Variants in HPSE2 observed in about 807,000 individuals in gnomAD.
The protein encoded by HPSE2 is heparanase 2 (inactive).
A neutral mutation model predicts 60.5 loss-of-function variants in HPSE2; 38 were observed. The ratio of observed to expected loss-of-function variants is 0.63; its 90% CI spans 0.48 to 0.82. HPSE2 has a LOEUF of 0.82. Ranked by LOEUF, HPSE2 falls within the 40% of genes least tolerant of loss-of-function variation. The pLI is 0.00. For missense variants in HPSE2, 713 were observed against 740.4 expected (o/e 0.96, Z 0.43); for synonymous variants, 295 against 293.2 (o/e 1.01, Z -0.06).
intron 3 of HPSE2, among the ~76,000 whole-genome samples, chr10:98,837,791 G>A (rs1026817066): frequency 9.2e-5 from 14 of 151,804 alleles, no homozygotes; most frequent in Non-Finnish European, 1.3e-4. Context: ...GCAGAATGGC[G>A]TGAACCCAAG....
At chr10:98,539,708 A>G (rs1451120522) in intron 9 of HPSE2, among the ~76,000 whole-genome samples, 1 of 151,572 alleles carries the variant, frequency 6.6e-6, no homozygotes, top group East Asian at 1.9e-4. Context: ...TCTGGCCTAT[A>G]CTATCTTTCT....
chr10:98,888,502 T>C (rs1233533691), intron 3 of HPSE2, among the ~76,000 whole-genome samples: 3 of 152,184 alleles, frequency 2.0e-5, no homozygotes, highest in African/African-American at 7.2e-5. Context: ...TCAGATATCA[T>C]CTCACCTCCT....
chr10:99,241,614 C>T, the HPSE2 span, among the ~76,000 whole-genome samples: 1 of 152,050 alleles, frequency 6.6e-6, no homozygotes, highest in African/African-American at 2.4e-5. Context: ...AAACATTATC[C>T]GGGTATGGTG....
chr10:98,815,469 T>C (rs1951264843), intron 3 of HPSE2, among the ~76,000 whole-genome samples: 1 of 152,152 alleles, frequency 6.6e-6, no homozygotes, highest in African/African-American at 2.4e-5. Flanking sequence ...GCTAAGAGGC[T>C]AAGACTCTGA....
chr10:98,591,126 C>CAAAAAAAA (rs5787292), intron 9 of HPSE2, among the ~76,000 whole-genome samples: 3 of 150,930 alleles, frequency 2.0e-5, no homozygotes, highest in African/African-American at 7.3e-5. Flanking sequence ...AAATAGGGAT[C>CAAAAAAAA]AAAAAAAAAG....
chr10:98,527,126 T>C (rs866597262), intron 9 of HPSE2, among the ~76,000 whole-genome samples: 11 of 152,186 alleles, frequency 7.2e-5, no homozygotes, highest in African/African-American at 2.2e-4. Flanking sequence ...TCCTGATATC[T>C]TTCATCTGTC....
At chr10:98,798,463 T>C (rs1478437968) in intron 3 of HPSE2, among the ~76,000 whole-genome samples, 1 of 152,180 alleles carries the variant, frequency 6.6e-6, no homozygotes, top group Non-Finnish European at 1.5e-5. Context: ...GTGTGTAAAC[T>C]ATTCTTAAGT....
chr10:99,000,887 C>T (rs1956762837), intron 3 of HPSE2, among the ~76,000 whole-genome samples: 1 of 152,000 alleles, frequency 6.6e-6, no homozygotes, highest in African/African-American at 2.4e-5. Flanking sequence ...CTGAATTAAG[C>T]TATACCATGG....
At chr10:98,941,379 G>T (rs1311621563) in intron 3 of HPSE2, among the ~76,000 whole-genome samples, 2 of 127,384 alleles carry the variant, frequency 1.6e-5, no homozygotes, top group Non-Finnish European at 3.2e-5. Context: ...AGCAACTTCA[G>T]CAAAGTCTCA....
intron 9 of HPSE2, among the ~76,000 whole-genome samples, chr10:98,514,322 A>C (rs1329844358): frequency 1.3e-5 from 2 of 152,218 alleles, no homozygotes; most frequent in Non-Finnish European, 2.9e-5. Flanking sequence ...ATTCAAAGTG[A>C]TAAAAAAATT....
intron 3 of HPSE2, among the ~76,000 whole-genome samples, chr10:98,955,270 AAAC>A (rs543824907): frequency 2.6e-5 from 4 of 152,188 alleles, no homozygotes; most frequent in Non-Finnish European, 4.4e-5. Flanking sequence ...AGAGAAAAAC[AAAC>A]AACCACATTA....
intron 3 of HPSE2, among the ~76,000 whole-genome samples, chr10:98,924,875 C>A (rs1301110849): frequency 1.3e-5 from 2 of 152,194 alleles, no homozygotes; most frequent in Non-Finnish European, 2.9e-5. Flanking sequence ...GAGGTTTGCA[C>A]AGAAACTCAA....
At chr10:98,778,792 A>T (rs181071646) in intron 3 of HPSE2, among the ~76,000 whole-genome samples, 1 of 152,268 alleles carries the variant, frequency 6.6e-6, no homozygotes, top group Admixed American at 6.5e-5. Flanking sequence ...TCCAATGTTC[A>T]TTTGCTCTGT....
chr10:98,748,154 G>C (rs895805844), intron 3 of HPSE2, among the ~76,000 whole-genome samples: 24 of 152,050 alleles, frequency 1.6e-4, no homozygotes, highest in African/African-American at 5.8e-4. Flanking sequence ...AAAAAAATTA[G>C]CTGGGTGTGG....
intron 2 of HPSE2, among the ~76,000 whole-genome samples, chr10:99,214,029 T>C (rs1849037876): frequency 6.6e-6 from 1 of 152,024 alleles, no homozygotes; most frequent in African/African-American, 2.4e-5. Flanking sequence ...AATAAATGAA[T>C]TTAAAAAGGG....
At chr10:98,956,874 C>A (rs556378591) in intron 3 of HPSE2, among the ~76,000 whole-genome samples, 1 of 152,264 alleles carries the variant, frequency 6.6e-6, no homozygotes, top group South Asian at 2.1e-4. Context: ...ATGAAAGGAT[C>A]TGGAGACGAA....
chr10:98,824,142 A>C (rs1197803112), intron 3 of HPSE2, among the ~76,000 whole-genome samples: 1 of 152,328 alleles, frequency 6.6e-6, no homozygotes, highest in East Asian at 1.9e-4. Flanking sequence ...AAAAGAGTGT[A>C]TACTGTATGA....
At chr10:98,669,720 A>T (rs1045947814) in intron 6 of HPSE2, among the ~76,000 whole-genome samples, 2 of 152,160 alleles carry the variant, frequency 1.3e-5, no homozygotes, top group African/African-American at 4.8e-5. Context: ...GACACTGGGG[A>T]CTGCTAGAAC....
chr10:99,018,825 C>T (rs367549516), intron 3 of HPSE2, among the ~76,000 whole-genome samples: 31 of 152,252 alleles, frequency 2.0e-4, no homozygotes, highest in African/African-American at 7.0e-4. Flanking sequence ...AAAATCGACT[C>T]GAAGACACAG....
Sources: gnomAD v4.1 joint callset for allele counts (sites outside exome capture counted in the v4.1 genomes callset) on GRCh38, gnomAD v4.1.1 for gene constraint, MANE v1.5 for transcripts, NCBI Gene and HGNC (gene_info 2026-07-23, HGNC 2026-07-21) for gene names.